KCNT2: variants seen among roughly 807,000 people sequenced by gnomAD.
KCNT2 encodes the protein potassium channel subfamily T member 2.
KCNT2 carries 67 observed loss-of-function variants against 153.8 expected under a neutral mutation model. The observed-to-expected ratio is 0.44, with a 90% CI of 0.36 to 0.53. The LOEUF is 0.53. Among genes scored for constraint, KCNT2 ranks in the 20% least tolerant of loss-of-function variants. KCNT2 has a pLI of 0.00. For missense variants in KCNT2, 975 were observed against 1,354.8 expected, an observed-to-expected ratio of 0.72 and a Z score of 4.40; for synonymous variants, 500 against 458.8, an observed-to-expected ratio of 1.09 and a Z score of -1.15.
rs148264865 is a variant in KCNT2 at position 196,441,837 on chromosome 1, T to C, written c.639-12080A>G. On this transcript the variant is annotated intron_variant, in intron 8 of 27. Transcript: ENST00000294725. ...TCCTTAGGTCATGTGCTGTACAAAG[T>C]ATCTATTCATATCCATTCATAAACA... Among the ~76,000 whole-genome samples, 774 of 151,924 alleles carry C rather than the reference T, an allele frequency of 5.1e-3. 6 individuals carry two copies. The highest frequency in any genetic ancestry group is 0.018 in the African/African-American group (744 of 41,534).
intron 1 of KCNT2, among the ~76,000 whole-genome samples, chr1:196,541,901 G>A (rs1434661111): frequency 1.3e-5 from 2 of 151,954 alleles, no homozygotes; most frequent in Middle Eastern, 6.9e-3. Flanking sequence ...AAATAAATAT[G>A]TTTTTTGATA....
At chr1:196,557,365 C>T (rs1658817813) in intron 1 of KCNT2, among the ~76,000 whole-genome samples, 1 of 151,158 alleles carries the variant, frequency 6.6e-6, no homozygotes, top group Admixed American at 6.6e-5. Flanking sequence ...TTCTAGAATT[C>T]TCATAGTATT....
At chr1:196,580,948 C>T (rs1171110849) in intron 1 of KCNT2, among the ~76,000 whole-genome samples, 2 of 152,060 alleles carry the variant, frequency 1.3e-5, no homozygotes, top group Non-Finnish European at 2.9e-5. Context: ...TCTTGTAAGC[C>T]TTCTAATAAT....
intron 13 of KCNT2, among the ~76,000 whole-genome samples, chr1:196,396,387 G>A (rs115231040): frequency 0.015 from 2,290 of 151,650 alleles, 66 homozygotes; most frequent in African/African-American, 0.052. Flanking sequence ...GTAAAAAGCT[G>A]CAAAATCACA....
chr1:196,294,689 G>C (rs1400618820), intron 22 of KCNT2, among the ~76,000 whole-genome samples: 4 of 152,060 alleles, frequency 2.6e-5, no homozygotes, highest in African/African-American at 9.7e-5. Flanking sequence ...GTATGTTGAA[G>C]AGATGTCTTG....
At chr1:196,255,838 T>A (rs545102985) in intron 26 of KCNT2, among the ~76,000 whole-genome samples, 2 of 151,690 alleles carry the variant, frequency 1.3e-5, no homozygotes, top group African/African-American at 4.8e-5. Context: ...ATATCTCAGA[T>A]AATAAATGCA....
At chr1:196,390,891 T>TTC (rs1491495973) in intron 13 of KCNT2, among the ~76,000 whole-genome samples, 4 of 52,392 alleles carry the variant, frequency 7.6e-5, no homozygotes, top group Non-Finnish European at 1.3e-4. Context: ...TCATTCATTC[T>TTC]TTTTTTTTTT....
At chr1:196,525,297 C>G (rs1275512475) in intron 1 of KCNT2, among the ~76,000 whole-genome samples, 1 of 151,998 alleles carries the variant, frequency 6.6e-6, no homozygotes, top group Non-Finnish European at 1.5e-5. Context: ...TCTGCCTTCT[C>G]GTTTCAGCTC....
chr1:196,413,647 A>G (rs1044614213), intron 12 of KCNT2, among the ~76,000 whole-genome samples: 9 of 151,754 alleles, frequency 5.9e-5, no homozygotes, highest in African/African-American at 2.2e-4. Context: ...TAGAATAGTC[A>G]GAAAGCATTT....
chr1:196,393,397 C>G (rs1670651592), intron 13 of KCNT2, among the ~76,000 whole-genome samples: 1 of 151,416 alleles, frequency 6.6e-6, no homozygotes, highest in Non-Finnish European at 1.5e-5. Context: ...TATTAATTTA[C>G]TCTTAAAACA....
chr1:196,253,182 C>T (rs948968430), intron 26 of KCNT2, among the ~76,000 whole-genome samples: 10 of 151,456 alleles, frequency 6.6e-5, no homozygotes, highest in Non-Finnish European at 1.2e-4. Context: ...CAGTTACATG[C>T]ATGTTACATT....
At chr1:196,273,478 A>G in intron 25 of KCNT2, 2 of 1,530,806 alleles carry the variant, frequency 1.3e-6, no homozygotes, top group East Asian at 2.5e-5. Flanking sequence ...TTGTGATGCT[A>G]TTTTTCGAGA....
chr1:196,552,048 T>C (rs1221387820), intron 1 of KCNT2, among the ~76,000 whole-genome samples: 1 of 151,522 alleles, frequency 6.6e-6, no homozygotes, highest in Non-Finnish European at 1.5e-5. Flanking sequence ...AACCTCAAAC[T>C]CTTGCCAGTT....
chr1:196,500,225 G>GGA (rs372666355), intron 1 of KCNT2, among the ~76,000 whole-genome samples: 5 of 103,468 alleles, frequency 4.8e-5, no homozygotes, highest in South Asian at 3.6e-4. Flanking sequence ...AGAGAGAGAC[G>GGA]GAGAGAGAGA....
chr1:196,524,564 T>C (rs920978713), intron 1 of KCNT2, among the ~76,000 whole-genome samples: 3 of 152,182 alleles, frequency 2.0e-5, no homozygotes, highest in Admixed American at 1.3e-4. Flanking sequence ...TGCTGTATCA[T>C]TTAATGTCCA....
intron 1 of KCNT2, among the ~76,000 whole-genome samples, chr1:196,496,628 TA>T (rs1212954124): frequency 3.3e-5 from 5 of 152,154 alleles, no homozygotes; most frequent in African/African-American, 1.2e-4. Context: ...AAATATGAGC[TA>T]TACATACATT....
At chr1:196,479,115 G>C (rs1678785161) in intron 5 of KCNT2, 64 bp downstream of exon 5, 5 of 1,059,560 alleles carry the variant, frequency 4.7e-6, no homozygotes, top group Admixed American at 4.2e-5. Flanking sequence ...ATAAATAGAG[G>C]AATACTGAGT....
chr1:196,310,263 A>T (rs908367116), intron 21 of KCNT2, among the ~76,000 whole-genome samples: 2 of 151,964 alleles, frequency 1.3e-5, no homozygotes, highest in African/African-American at 4.8e-5. Flanking sequence ...ATACATTAAT[A>T]GGAGGTATAC....
At chr1:196,509,091 A>T (rs954183984) in intron 1 of KCNT2, among the ~76,000 whole-genome samples, 1 of 152,084 alleles carries the variant, frequency 6.6e-6, no homozygotes, top group African/African-American at 2.4e-5. Flanking sequence ...CAATATGGTG[A>T]AACCCCGTCT....
Sources: gnomAD v4.1 joint callset for allele counts (sites outside exome capture counted in the v4.1 genomes callset) on GRCh38, gnomAD v4.1.1 for gene constraint, MANE v1.5 for transcripts, NCBI Gene and HGNC (gene_info 2026-07-23, HGNC 2026-07-21) for gene names.